TMTC1: variants seen among roughly 807,000 people sequenced by gnomAD.
The protein encoded by TMTC1 is protein O-mannosyl-transferase TMTC1.
A neutral mutation model predicts 104.8 loss-of-function variants in TMTC1; 73 were observed. The observed-to-expected ratio is 0.70, with a 90% confidence interval of 0.58 to 0.85. The LOEUF is 0.85. TMTC1 is among the 40% of genes least tolerant of loss of function. The pLI, the probability that TMTC1 is intolerant of heterozygous loss-of-function variation, is 0.00. For missense variants in TMTC1, 1,035 were observed against 1,096.1 expected, an observed-to-expected ratio of 0.94 and a Z score of 0.79; for synonymous variants, 434 against 428.7, an observed-to-expected ratio of 1.01 and a Z score of -0.15.
intron 5 of TMTC1, among the ~76,000 whole-genome samples, chr12:29,729,194 T>C (rs1591984105): frequency 6.6e-6 from 1 of 151,620 alleles, no homozygotes; most frequent in Non-Finnish European, 1.5e-5. Flanking sequence ...ACCTATCTTA[T>C]AGGGTTCTTG....
chr12:29,640,051 C>T (rs1289652754), intron 5 of TMTC1, among the ~76,000 whole-genome samples: 1 of 152,160 alleles, frequency 6.6e-6, no homozygotes, highest in Non-Finnish European at 1.5e-5. Context: ...CATTCCGGGG[C>T]CGAGACCCAT....
intron 5 of TMTC1, among the ~76,000 whole-genome samples, chr12:29,725,285 C>T (rs1333522156): frequency 2.6e-5 from 4 of 151,874 alleles, no homozygotes; most frequent in East Asian, 1.9e-4. Context: ...CCTTGCCCTC[C>T]GAAAGTGCTA....
At chr12:29,634,285 A>G (rs1480009804) in intron 5 of TMTC1, among the ~76,000 whole-genome samples, 1 of 152,172 alleles carries the variant, frequency 6.6e-6, no homozygotes, top group Non-Finnish European at 1.5e-5. Context: ...CATCTCCCTC[A>G]AGGACCCGAG....
At chr12:29,734,098 T>C (rs1565801942) in intron 5 of TMTC1, among the ~76,000 whole-genome samples, 1 of 152,150 alleles carries the variant, frequency 6.6e-6, no homozygotes, top group Non-Finnish European at 1.5e-5. Context: ...GTACAGAATG[T>C]GTCCTAAAAT....
chr12:29,610,331 G>A (rs916474298), intron 6 of TMTC1, among the ~76,000 whole-genome samples: 3 of 152,268 alleles, frequency 2.0e-5, no homozygotes, highest in South Asian at 2.1e-4. Context: ...TAAGGCCACC[G>A]AGGCTATAAG....
intron 5 of TMTC1, among the ~76,000 whole-genome samples, chr12:29,747,541 G>A (rs996142403): frequency 6.6e-6 from 1 of 152,090 alleles, no homozygotes; most frequent in African/African-American, 2.4e-5. Context: ...CCCAATTCTT[G>A]TCAACCTCAC....
intron 10 of TMTC1, among the ~76,000 whole-genome samples, chr12:29,551,517 T>A (rs1307279446): frequency 1.3e-5 from 2 of 152,216 alleles, no homozygotes; most frequent in African/African-American, 4.8e-5. Context: ...ATTATAAGAT[T>A]TATTGTAATA....
In TMTC1 at chr12:29,503,091, C is replaced by A. The variant is rs1040919832; in HGVS notation, c.*3755G>T. 6.6e-6 allele frequency: 1 copy of A among 152,164 alleles called. No individual in the cohort carries two copies. The highest frequency in any genetic ancestry group is 2.4e-5 in the African/African-American group (1 of 41,420). The allele number at this position is 152,164 out of a possible 1,614,324, so 9.4% of individuals were successfully genotyped here. A position where few individuals can be genotyped will look rare whatever the true frequency, so the allele number is the denominator to read the frequency against. On this transcript the variant is annotated 3_prime_UTR_variant, in exon 18 of 18. Coordinates refer to ENST00000539277, the MANE Select transcript of TMTC1 (RefSeq NM_001193451.2). ...ATTTAGTCTGACTGAAAGGCCGTTG[C>A]GCAGAGGCATTCGCACAACTGCTGC...
chr12:29,581,564 C>CTTT (rs1486581726), intron 8 of TMTC1, among the ~76,000 whole-genome samples: 2 of 148,448 alleles, frequency 1.3e-5, no homozygotes, highest in African/African-American at 5.0e-5. Flanking sequence ...ATTTTTTTTT[C>CTTT]TTTTTTTTTT....
intron 7 of TMTC1, among the ~76,000 whole-genome samples, chr12:29,601,692 A>G (rs1236961812): frequency 6.6e-6 from 1 of 152,198 alleles, no homozygotes; most frequent in Non-Finnish European, 1.5e-5. Flanking sequence ...CAAGTTAACC[A>G]ACCTCTCAGA....
intron 6 of TMTC1, among the ~76,000 whole-genome samples, chr12:29,619,508 G>A (rs1273323536): frequency 6.6e-6 from 1 of 152,212 alleles, no homozygotes; most frequent in African/African-American, 2.4e-5. Flanking sequence ...CTGAACAAAG[G>A]GTTGCATTTC....
rs936301426 is a variant in TMTC1 at position 29,783,467 on chromosome 12, G to C, written c.285C>G (p.Leu95=). The change falls in exon 1 of 18, where the codon CTC becomes CTG. Residue 95 remains leucine (L), a synonymous_variant. Transcript: ENST00000539277. The surrounding 1 kb of genome is among the most constrained non-coding windows in gnomAD (Gnocchi z 4.7). ...ENTSHKSYRP[L]CVLTFKLNIF... ...GGACTCACTTGAAGGTGAGGACGCA[G>C]AGCGGCCGGTAGGACTTGTGGCTGG... 9 of 1,335,592 alleles carry C rather than the reference G, an allele frequency of 6.7e-6. No homozygotes were observed. Among genetic ancestry groups the C allele is most frequent in the Non-Finnish European group, 8.7e-6 (9 of 1,036,516 alleles). The allele number at this position is 1,335,592 out of a possible 1,614,324, so 82.7% of individuals were successfully genotyped here.
At chr12:29,515,920 C>T (rs889371738) in intron 15 of TMTC1, among the ~76,000 whole-genome samples, 1 of 151,704 alleles carries the variant, frequency 6.6e-6, no homozygotes, top group African/African-American at 2.4e-5. Context: ...CCCTGTGTTT[C>T]CTTCTTATAT....
chr12:29,714,650 TG>T (rs1942028059), intron 5 of TMTC1, among the ~76,000 whole-genome samples: 1 of 151,800 alleles, frequency 6.6e-6, no homozygotes, highest in South Asian at 2.1e-4. Flanking sequence ...TAAAAGGATC[TG>T]GGGTACCCCC....
intron 10 of TMTC1, among the ~76,000 whole-genome samples, chr12:29,544,911 ATG>A (rs1490580530): frequency 6.6e-6 from 1 of 152,146 alleles, no homozygotes; most frequent in Non-Finnish European, 1.5e-5. Flanking sequence ...CAGTTGAATG[ATG>A]TGTTAGATGC....
chr12:29,755,548 G>C (rs145626964), intron 4 of TMTC1, among the ~76,000 whole-genome samples, 161 bp downstream of exon 4: 1 of 152,136 alleles, frequency 6.6e-6, no homozygotes, highest in Non-Finnish European at 1.5e-5. Context: ...TATATAATGC[G>C]CTTATCTTAA....
intron 5 of TMTC1, among the ~76,000 whole-genome samples, chr12:29,730,951 A>G (rs1942530614): frequency 6.6e-6 from 1 of 152,232 alleles, no homozygotes; most frequent in Non-Finnish European, 1.5e-5. Flanking sequence ...GTTCCCTTGC[A>G]AGGATCATTC....
intron 12 of TMTC1, 128 bp downstream of exon 12, chr12:29,520,490 C>T: frequency 1.3e-6 from 1 of 753,160 alleles, no homozygotes; most frequent in Non-Finnish European, 2.2e-6. Context: ...GGTATAATGA[C>T]TGTCAATAGT....
chr12:29,761,802 T>C (rs1379006685), intron 2 of TMTC1, among the ~76,000 whole-genome samples: 1 of 152,148 alleles, frequency 6.6e-6, no homozygotes, highest in African/African-American at 2.4e-5. Context: ...CAATTAATAG[T>C]AGGAAATAGT....
Sources: allele counts gnomAD v4.1 joint callset (sites outside exome capture counted in the v4.1 genomes callset), GRCh38; gene constraint gnomAD v4.1.1; non-coding constraint Gnocchi (gnomAD v3.1); transcripts MANE v1.5; gene names NCBI Gene and HGNC (gene_info 2026-07-23, HGNC 2026-07-21).